The following MSH6 variants were observed in gnomAD, a reference collection of about 807,000 sequenced individuals.
MSH6 encodes the protein mutS homolog 6, also known as DNA mismatch repair protein Msh6.
In MSH6, 85 loss-of-function variants were observed where a neutral mutation model predicts 119.1. The observed-to-expected ratio is 0.71, with a 90% CI of 0.60 to 0.85. The LOEUF is 0.85. Ranked by LOEUF, MSH6 falls within the 40% of genes least tolerant of loss-of-function variation. MSH6 has a pLI of 0.00. For missense variants in MSH6, 2,163 were observed against 1,655.3 expected (o/e 1.31, Z -5.32); for synonymous variants, 830 against 586.9 (o/e 1.41, Z -5.99).
intron 7 of MSH6, 71 bp downstream of exon 7, chr2:47,805,778 G>T (rs1039916072): frequency 8.4e-7 from 1 of 1,184,166 alleles, no homozygotes; most frequent in Non-Finnish European, 1.3e-6. Context: ...TATTTTTATA[G>T]AAGATTATCT....
chr2:47,805,601 A>ATTTT lies in MSH6; in HGVS notation c.3557-7_3557-4dup. The ATTTT allele has an allele frequency of 1.5e-6, 2 of 1,346,060 alleles. No homozygotes were observed. The highest frequency in any genetic ancestry group is 1.2e-5 in the South Asian group (1 of 82,452). 83.4% of individuals were successfully genotyped at this position (1,346,060 alleles called of 1,614,324 possible). On this transcript the variant is annotated splice_polypyrimidine_tract_variant and intron_variant, in intron 6 of 9. Transcript: ENST00000234420. Reference sequence around the variant, plus strand: ...TTTGCAAAATGAGTATTCATTTGTGATTTTTTTTTTTTTAAGGTGAAAGTA... The same window carrying ATTTT: ...TTTGCAAAATGAGTATTCATTTGTGATTTTTTTTTTTTTTTTTAAGGTGAAAGTA...
intron 1 of MSH6, 108 bp downstream of exon 1, chr2:47,783,601 T>G (rs1668150339): frequency 8.6e-7 from 1 of 1,169,508 alleles, no homozygotes; most frequent in Non-Finnish European, 1.1e-6. Flanking sequence ...GGCCTGGCCC[T>G]GGGCTCGGAG....
downstream of MSH6, chr2:47,807,730 C>T (rs971549610): frequency 4.2e-6 from 1 of 236,514 alleles, no homozygotes; most frequent in Non-Finnish European, 8.4e-6. Flanking sequence ...ATTACAAAAG[C>T]AATTGGTACC....
rs1553333738 is a variant in MSH6 at position 47,806,628 on chromosome 2, G to GAATC, written c.3980_3983dup (p.Leu1330ValfsTer12). 1.9e-6 allele frequency: 3 copies of GAATC among 1,611,364 alleles called. No individual in the cohort carries two copies. Among genetic ancestry groups the GAATC allele is most frequent in the Admixed American group, 1.7e-5 (1 of 59,926 alleles). On this transcript the variant is annotated frameshift_variant, in exon 9 of 10. Coordinates refer to ENST00000234420, the MANE Select transcript of MSH6 (RefSeq NM_000179.3). LOFTEE classifies it high-confidence loss of function. ...GAAAAGCAAGAGAATTTGAGAAGAT[G>GAATC]AATCAGTCACTACGATTATTTCGGT...
intron 2 of MSH6, among the ~76,000 whole-genome samples, 195 bp downstream of exon 2, chr2:47,791,318 G>A (rs1369020053): frequency 6.6e-6 from 1 of 152,130 alleles, no homozygotes. Flanking sequence ...GGTTTGTTTT[G>A]TGGAATGGAA....
At chr2:47,801,683 T>C (rs183504796) in intron 4 of MSH6, among the ~76,000 whole-genome samples, 7 of 152,094 alleles carry the variant, frequency 4.6e-5, no homozygotes, top group African/African-American at 1.7e-4. Context: ...CTTCAGTCTT[T>C]AATAATCGAA....
intron 2 of MSH6, among the ~76,000 whole-genome samples, chr2:47,793,339 A>ATC (rs1668866412): frequency 7.0e-6 from 1 of 143,554 alleles, no homozygotes; most frequent in Non-Finnish European, 1.5e-5. Context: ...AAAAAAAAAA[A>ATC]AAAAAAAAGG....
intron 1 of MSH6, 178 bp downstream of exon 1, chr2:47,783,671 G>T: frequency 1.7e-6 from 1 of 603,864 alleles, no homozygotes; most frequent in South Asian, 3.3e-5. Context: ...AGCATTTGGG[G>T]GTGTAGCTTG....
rs63749919 is a variant in MSH6, at chr2:47,800,889, A to T, written c.2906A>T (p.Tyr969Phe). 1.9e-5 allele frequency: 30 copies of T among 1,604,754 alleles called. No individual in the cohort carries two copies. The highest frequency in any genetic ancestry group is 2.5e-5 in the Non-Finnish European group (29 of 1,176,058). Reference protein sequence around the residue: ...RNRIGCRTIVYWGIGRNRYQL... With the variant: ...RNRIGCRTIVFWGIGRNRYQL... Reference sequence around the variant, plus strand: ...AGAATTGGCTGTAGGACCATAGTCTATTGGGGGATTGGTAGGAACCGTTAC... The same window carrying T: ...AGAATTGGCTGTAGGACCATAGTCTTTTGGGGGATTGGTAGGAACCGTTAC... Residue 969 changes from tyrosine to phenylalanine, a missense_variant, in exon 4 of 10, where the codon TAT (tyrosine) becomes TTT (phenylalanine). By Grantham distance (22) the Tyr-to-Phe change is conservative (BLOSUM62 3). Transcript: ENST00000234420.
At chr2:47,801,361 G>GTTTTATTT (rs1669576932) in intron 4 of MSH6, 1 of 84,402 alleles carries the variant, frequency 1.2e-5, no homozygotes, top group Non-Finnish European at 2.0e-5. Flanking sequence ...CCTTTCTTCA[G>GTTTTATTT]TTTTTTTTTT....
In MSH6 at chr2:47,799,940, G is replaced by A. The variant is rs768095444; in HGVS notation, c.1957G>A (p.Val653Met). ...GGAAAAGCTAAGTGATGGCATTGGG[G>A]TGATGTTACCCCAGGTGCTTAAAGG... Reference protein sequence around the residue: ...FREKLSDGIGVMLPQVLKGMT... With the variant: ...FREKLSDGIGMMLPQVLKGMT... The change falls in exon 4 of 10, where the codon GTG becomes ATG. Residue 653 changes from valine (V) to methionine (M), a missense_variant. Coordinates refer to ENST00000234420, the MANE Select transcript of MSH6 (RefSeq NM_000179.3). The A allele has an allele frequency of 7.4e-6, 12 of 1,614,038 alleles. No individual in the cohort carries two copies. The highest frequency in any genetic ancestry group is 1.3e-5 in the African/African-American group (1 of 74,902).
chr2:47,787,182 G>C lies in MSH6; in HGVS notation c.260+3689G>C, dbSNP rs546315058. ...CGTGTGCCTGTAGTCCCAGCTTCTT[G>C]GGAGACTGAGATGGGAGGATCGCTT... On this transcript the variant is annotated intron_variant, in intron 1 of 9. Coordinates refer to ENST00000234420, the MANE Select transcript of MSH6 (RefSeq NM_000179.3). 1.8e-3 allele frequency among the ~76,000 whole-genome samples: 280 copies of C among 152,192 alleles called. 1 individual carries two copies. Among genetic ancestry groups the C allele is most frequent in the Non-Finnish European group, 3.4e-3 (230 of 67,986 alleles).
At chr2:47,802,951 G>T (rs377013807) in intron 4 of MSH6, among the ~76,000 whole-genome samples, 1 of 152,012 alleles carries the variant, frequency 6.6e-6, no homozygotes, top group Non-Finnish European at 1.5e-5. Context: ...TCTCTCTGTC[G>T]CCCAGGCTGG....
chr2:47,802,940 GTCTC>G (rs1040965734), intron 4 of MSH6, among the ~76,000 whole-genome samples: 1 of 152,068 alleles, frequency 6.6e-6, no homozygotes, highest in South Asian at 2.1e-4. Context: ...TTGAGACAGA[GTCTC>G]TCTGTCGCCC....
intron 5 of MSH6, among the ~76,000 whole-genome samples, chr2:47,804,643 C>G (rs1471428663): frequency 1.3e-5 from 2 of 151,680 alleles, no homozygotes; most frequent in Non-Finnish European, 2.9e-5. Flanking sequence ...TGATTCTATT[C>G]TGGCCAGCGT....
Position 47,803,564 on chromosome 2 carries a change from A to T in MSH6, c.3317A>T (p.Asp1106Val), listed in dbSNP as rs1189795764. Residue 1106 changes from aspartate (D) to valine (V), a missense_variant, in exon 5 of 10, where the codon GAT becomes GTT. By Grantham distance (152) the Asp-to-Val change is radical. Coordinates refer to ENST00000234420, the MANE Select transcript of MSH6 (RefSeq NM_000179.3). Reference protein sequence around the residue: ...HPCITKTFFGDDFIPNDILIG... With the variant: ...HPCITKTFFGVDFIPNDILIG... ...TGCATTACGAAGACTTTTTTTGGAG[A>T]TGATTTTATTCCTAATGACATTCTA... The T allele has an allele frequency of 1.2e-6, 2 of 1,613,998 alleles. No individual in the cohort carries two copies. Among genetic ancestry groups the T allele is most frequent in the South Asian group, 2.2e-5 (2 of 91,064 alleles).
chr2:47,807,891 T>TC, downstream of MSH6: 1 of 435,562 alleles, frequency 2.3e-6, no homozygotes, highest in Middle Eastern at 6.3e-4. Context: ...TTCTGTCCCT[T>TC]CAAGTCTTTA....
At chr2:47,786,867 C>T (rs956120222) in intron 1 of MSH6, among the ~76,000 whole-genome samples, 2 of 152,104 alleles carry the variant, frequency 1.3e-5, no homozygotes, top group South Asian at 2.1e-4. Flanking sequence ...AACTCTTGCT[C>T]TCAAGCGATC....
chr2:47,809,510 G>C (rs961970568), downstream of MSH6: 8 of 922,750 alleles, frequency 8.7e-6, no homozygotes, highest in African/African-American at 5.0e-5. Flanking sequence ...AACTTGGAGA[G>C]TGACATAAGG....
Sources: allele counts gnomAD v4.1 joint callset (sites outside exome capture counted in the v4.1 genomes callset), GRCh38; gene constraint gnomAD v4.1.1; transcripts MANE v1.5; gene names NCBI Gene and HGNC (gene_info 2026-07-23, HGNC 2026-07-21).